HCK: variants seen among roughly 807,000 people sequenced by gnomAD.
The protein encoded by HCK is tyrosine-protein kinase HCK.
In HCK, 40 loss-of-function variants were observed where a neutral mutation model predicts 70.4. The observed-to-expected ratio is 0.57, with a 90% CI of 0.44 to 0.74. The LOEUF is 0.74. HCK is among the 30% of genes least tolerant of loss of function. The pLI is 0.00. For synonymous variants in HCK, 245 were observed against 263.2 expected, an observed-to-expected ratio of 0.93 and a Z score of 0.67; for missense variants, 568 against 697.2, an observed-to-expected ratio of 0.81 and a Z score of 2.09.
At chr20:32,072,771 AG>A (rs1338935576) in intron 2 of HCK, among the ~76,000 whole-genome samples, 1 of 151,782 alleles carries the variant, frequency 6.6e-6, no homozygotes, top group Non-Finnish European at 1.5e-5. Context: ...TGTTGAGGGG[AG>A]GGGTCAAGCA....
At chr20:32,096,977 A>G (rs2045965180) in intron 11 of HCK, among the ~76,000 whole-genome samples, 1 of 152,124 alleles carries the variant, frequency 6.6e-6, no homozygotes, top group Non-Finnish European at 1.5e-5. Context: ...TGTACGTTAT[A>G]ACTCGATTAA....
intron 1 of HCK, among the ~76,000 whole-genome samples, chr20:32,054,615 G>T (rs192169540): frequency 0.064 from 9,468 of 148,892 alleles, 845 homozygotes; most frequent in African/African-American, 0.2. Context: ...GACCATCCTG[G>T]CTAACACGGG....
chr20:32,063,486 C>A (rs2045410317), intron 1 of HCK, among the ~76,000 whole-genome samples: 1 of 151,792 alleles, frequency 6.6e-6, no homozygotes, highest in African/African-American at 2.4e-5. Flanking sequence ...GGGCTCAAAG[C>A]AATCCTCCCA....
chr20:32,101,708 T>C lies in HCK; in HGVS notation c.*189T>C. 1 of 492,212 alleles carries C rather than the reference T, an allele frequency of 2.0e-6. No homozygotes were observed. The highest frequency in any genetic ancestry group is 3.6e-6 in the Non-Finnish European group (1 of 277,900). The allele number at this position is 492,212 out of a possible 1,614,324, so 30.5% of individuals were successfully genotyped here. ...TCTTTTTGACTCTTGCAATCCACAA[T>C]CTGACATTCTCAGGAAGCCCCCAAG... On this transcript the variant is annotated 3_prime_UTR_variant, in exon 13 of 13. Coordinates refer to ENST00000375852, the MANE Select transcript of HCK (RefSeq NM_002110.5).
At chr20:32,057,427 C>T (rs1233545591) in intron 1 of HCK, among the ~76,000 whole-genome samples, 1 of 152,148 alleles carries the variant, frequency 6.6e-6, no homozygotes, top group Admixed American at 6.5e-5. Flanking sequence ...TGGCAAAACC[C>T]TGTCTCTACA....
chr20:32,098,873 G>GT lies in HCK; in HGVS notation c.1247-130dup, dbSNP rs2045993046. 1.8e-5 allele frequency: 17 copies of GT among 959,254 alleles called. No homozygotes were observed. The South Asian group carries it at 2.6e-4, about 14-fold the overall frequency. 59.4% of individuals were successfully genotyped at this position (959,254 alleles called of 1,614,324 possible). On this transcript the variant is annotated intron_variant, in intron 11 of 12. Coordinates refer to ENST00000375852, the MANE Select transcript of HCK (RefSeq NM_002110.5). The stretch of plus-strand genomic sequence containing the variant: ...TCCCTTGCTTCCACAGGGAGGCCAC[G>GT]TATCAGGGAAATTGCAGGTCTGCAG...
chr20:32,094,052 T>C (rs1402275468), intron 11 of HCK, 36 bp downstream of exon 11: 1 of 1,593,358 alleles, frequency 6.3e-7, no homozygotes, highest in Non-Finnish European at 8.6e-7. Context: ...ACGTTGCCCA[T>C]TTGGATGCTT....
intron 5 of HCK, among the ~76,000 whole-genome samples, chr20:32,075,562 G>C (rs764873794): frequency 2.0e-5 from 3 of 152,268 alleles, no homozygotes; most frequent in Non-Finnish European, 4.4e-5. Flanking sequence ...CCCTGTGCCA[G>C]CCTAAGGGGC....
At chr20:32,057,457 G>A (rs143800485) in intron 1 of HCK, among the ~76,000 whole-genome samples, 6,404 of 152,216 alleles carry the variant, frequency 0.042, 343 homozygotes, top group African/African-American at 0.13. Flanking sequence ...AAAATTAGCT[G>A]GGTGTGGTGG....
At chr20:32,093,188 G>C (rs193297807) in intron 10 of HCK, among the ~76,000 whole-genome samples, 6 of 152,032 alleles carry the variant, frequency 3.9e-5, no homozygotes, top group African/African-American at 1.4e-4. Flanking sequence ...CAAGTGATCC[G>C]CCCACCTCGG....
At chr20:32,078,825 C>G (rs1286244146) in intron 5 of HCK, among the ~76,000 whole-genome samples, 1 of 138,762 alleles carries the variant, frequency 7.2e-6, no homozygotes, top group Non-Finnish European at 1.5e-5. Flanking sequence ...CCACTGCACT[C>G]CAGCCTGGGT....
intron 11 of HCK, among the ~76,000 whole-genome samples, chr20:32,094,695 A>AAAG (rs1329642908): frequency 8.6e-6 from 1 of 116,708 alleles, no homozygotes; most frequent in Non-Finnish European, 1.7e-5. Flanking sequence ...AAAAGAAAAG[A>AAAG]AAAGAAAAGA....
intron 1 of HCK, among the ~76,000 whole-genome samples, chr20:32,068,134 T>A (rs1485639015): frequency 1.3e-5 from 2 of 151,556 alleles, no homozygotes; most frequent in Non-Finnish European, 2.9e-5. Flanking sequence ...CTGTCTCTAC[T>A]AAAAAATACA....
chr20:32,088,720 A>G, intron 10 of HCK, 76 bp downstream of exon 10: 5 of 1,045,122 alleles, frequency 4.8e-6, no homozygotes, highest in Admixed American at 1.8e-5. Flanking sequence ...TACTGACCAC[A>G]TACTATGATG....
At chr20:32,061,255 T>A (rs566564919) in intron 1 of HCK, among the ~76,000 whole-genome samples, 3 of 152,352 alleles carry the variant, frequency 2.0e-5, no homozygotes, top group African/African-American at 7.2e-5. Context: ...GTGCTGGGAT[T>A]ACAGGCGTGA....
chr20:32,060,038 C>T (rs1299461539), intron 1 of HCK, among the ~76,000 whole-genome samples: 1 of 152,058 alleles, frequency 6.6e-6, no homozygotes, highest in Non-Finnish European at 1.5e-5. Flanking sequence ...TCTCTCAGTA[C>T]CACGGCAGGT....
intron 1 of HCK, among the ~76,000 whole-genome samples, chr20:32,055,047 G>A (rs78937021): frequency 2.0e-5 from 3 of 152,112 alleles, no homozygotes; most frequent in East Asian, 1.9e-4. Context: ...GTTCCTAGGC[G>A]TTCACTACAA....
intron 1 of HCK, among the ~76,000 whole-genome samples, chr20:32,064,942 G>T (rs2122498550): frequency 1.3e-5 from 2 of 152,350 alleles, no homozygotes; most frequent in African/African-American, 4.8e-5. Context: ...TGTGCAACCA[G>T]GCAGACTGCT....
rs767376085 is a variant in HCK at position 32,086,725 on chromosome 20, T to G, written c.933T>G (p.Thr311=). The G allele has an allele frequency of 6.2e-7, 1 of 1,611,724 alleles. No homozygotes were observed. The highest frequency in any genetic ancestry group is 1.1e-5 in the South Asian group (1 of 90,820). Residue 311 remains threonine (T), a synonymous_variant, in exon 9 of 13, where the codon ACT becomes ACG. Coordinates refer to ENST00000375852, the MANE Select transcript of HCK (RefSeq NM_002110.5). Reference sequence around the variant, plus strand: ...TGGCAGAGGCCAACGTGATGAAAACTCTGCAGCATGACAAGCTGGTCAAAC... The same window carrying G: ...TGGCAGAGGCCAACGTGATGAAAACGCTGCAGCATGACAAGCTGGTCAAAC...
Sources: allele counts gnomAD v4.1 joint callset (sites outside exome capture counted in the v4.1 genomes callset), GRCh38; gene constraint gnomAD v4.1.1; transcripts MANE v1.5; gene names NCBI Gene and HGNC (gene_info 2026-07-23, HGNC 2026-07-21).